The following CHMP4B variants were observed in gnomAD, a reference collection of about 807,000 sequenced individuals.
CHMP4B encodes charged multivesicular body protein 4B.
CHMP4B carries 1 observed loss-of-function variant against 25.1 expected under a neutral mutation model. That is an observed-to-expected ratio of 0.04 (90% CI 0.01 to 0.19). CHMP4B has a LOEUF of 0.19. Ranked by LOEUF, CHMP4B falls within the 10% of genes least tolerant of loss-of-function variation. CHMP4B has a pLI of 1.00. For missense variants in CHMP4B, 151 were observed against 289.7 expected, an observed-to-expected ratio of 0.52 and a Z score of 3.48; for synonymous variants, 101 against 115.6, an observed-to-expected ratio of 0.87 and a Z score of 0.81.
At chr20:33,834,172 T>A (rs1979330160) in intron 1 of CHMP4B, among the ~76,000 whole-genome samples, 1 of 152,244 alleles carries the variant, frequency 6.6e-6, no homozygotes, top group African/African-American at 2.4e-5. Flanking sequence ...TTCAATCTTG[T>A]TGAACTTCTC....
chr20:33,848,640 A>G lies in CHMP4B; in HGVS notation c.364A>G (p.Asn122Asp), dbSNP rs370673386. The change falls in exon 2 of 5, where the codon AAC becomes GAC. Residue 122 changes from asparagine to aspartate, a missense_variant. This residue lies in a region of CHMP4B where 82 missense variants were observed against 208.3 expected (regional missense o/e 0.39). Transcript: ENST00000217402. ...CAAGGCCATGAAGGCGGCCCATGAC[A>G]ACATGTACGTGTCCACCCGCCCCTG... ...AAKAMKAAHD[N>D]MDIDKVDELM... 6.2e-7 allele frequency: 1 copy of G among 1,614,234 alleles called. No homozygotes were observed. The highest frequency in any genetic ancestry group is 8.5e-7 in the Non-Finnish European group (1 of 1,180,044).
intron 1 of CHMP4B, among the ~76,000 whole-genome samples, chr20:33,839,535 GAAA>G (rs1022895029): frequency 1.3e-5 from 2 of 152,112 alleles, no homozygotes; most frequent in African/African-American, 4.8e-5. Context: ...AAATCTACTA[GAAA>G]AAAAATTTTT....
intron 1 of CHMP4B, among the ~76,000 whole-genome samples, chr20:33,844,046 C>A (rs1601327096): frequency 1.3e-5 from 2 of 152,214 alleles, no homozygotes; most frequent in Non-Finnish European, 2.9e-5. Flanking sequence ...GCTGTGTGAA[C>A]CCTGCAGGCA....
chr20:33,853,126 G>A (rs1386564259), intron 4 of CHMP4B, among the ~76,000 whole-genome samples: 1 of 152,196 alleles, frequency 6.6e-6, no homozygotes, highest in Non-Finnish European at 1.5e-5. Flanking sequence ...CATGAGTCAA[G>A]CCACTTGAGG....
intron 1 of CHMP4B, among the ~76,000 whole-genome samples, chr20:33,831,741 A>ATTTT (rs1568607995): frequency 6.6e-6 from 1 of 152,106 alleles, no homozygotes; most frequent in African/African-American, 2.4e-5. Context: ...TTGTTCTTTA[A>ATTTT]TTTTATTATT....
At chr20:33,846,861 C>T (rs1277233431) in intron 1 of CHMP4B, among the ~76,000 whole-genome samples, 2 of 152,228 alleles carry the variant, frequency 1.3e-5, no homozygotes, top group African/African-American at 2.4e-5. Context: ...GCCATTTCTT[C>T]TGACAGAGTC....
rs988714562 is a variant in CHMP4B, at chr20:33,811,391, C to T, written c.-78C>T. The T allele has an allele frequency of 1.2e-4, 150 of 1,207,932 alleles. No individual in the cohort carries two copies. The African/African-American group carries it at 1.9e-3, about 16-fold the overall frequency. 74.8% of individuals were successfully genotyped at this position (1,207,932 alleles called of 1,614,324 possible). On this transcript the variant is annotated 5_prime_UTR_variant, in exon 1 of 5. Coordinates refer to ENST00000217402, the MANE Select transcript of CHMP4B (RefSeq NM_176812.5). ...AGGGAGCGGCGGGACTGGGAGCGGG[C>T]GCCGGAGCCGACCCGAGCCGAGCCG...
Position 33,853,800 on chromosome 20 carries a change from T to G in CHMP4B, c.*240T>G. 1 of 522,960 alleles carries G rather than the reference T, an allele frequency of 1.9e-6. No individual in the cohort carries two copies. The highest frequency in any genetic ancestry group is 3.5e-6 in the Non-Finnish European group (1 of 287,912). The allele number at this position is 522,960 out of a possible 1,614,324, so 32.4% of individuals were successfully genotyped here. On this transcript the variant is annotated 3_prime_UTR_variant, in exon 5 of 5. Transcript: ENST00000217402. ...AGTGCCTGCTGTTTATAATGTTGAA[T>G]TTCTGTAAAATAAACTGTATTTGCA... is the stretch of plus-strand genomic sequence containing the variant.
At position 33,848,688 on chromosome 20, in the gene CHMP4B, C is replaced by T. The variant is rs200431962; in HGVS notation, c.368+44C>T. 85 of 1,604,716 alleles carry T rather than the reference C, an allele frequency of 5.3e-5. No individual in the cohort carries two copies. In the African/African-American group the frequency reaches 6.8e-4, roughly 13 times the overall value. On this transcript the variant is annotated intron_variant, in intron 2 of 4. Transcript: ENST00000217402. ...CTGCGCCACAGGGCAGTGCTAGTCC[C>T]GGAATGCCTCGTACCCAGGCCATGG...
intron 1 of CHMP4B, among the ~76,000 whole-genome samples, chr20:33,845,834 C>T (rs538202703): frequency 3.9e-5 from 6 of 152,304 alleles, no homozygotes; most frequent in East Asian, 1.9e-4. Flanking sequence ...TGCAGCCCCA[C>T]GCCCTGGGGC....
At chr20:33,831,413 GA>G (rs1210249214) in intron 1 of CHMP4B, among the ~76,000 whole-genome samples, 4 of 151,856 alleles carry the variant, frequency 2.6e-5, no homozygotes, top group African/African-American at 9.7e-5. Flanking sequence ...AAGTTTCTGT[GA>G]AGATGAGGTT....
chr20:33,816,052 C>T (rs956704589), intron 1 of CHMP4B, among the ~76,000 whole-genome samples: 1 of 152,246 alleles, frequency 6.6e-6, no homozygotes, highest in African/African-American at 2.4e-5. Flanking sequence ...AAACAGACCT[C>T]AGAAGCTTGA....
chr20:33,849,987 G>C (rs1979802385), intron 2 of CHMP4B, among the ~76,000 whole-genome samples: 1 of 152,182 alleles, frequency 6.6e-6, no homozygotes, highest in Non-Finnish European at 1.5e-5. Context: ...GTGTTGCCCA[G>C]ACTGGTCTCA....
At chr20:33,839,589 G>A (rs372297143) in intron 1 of CHMP4B, among the ~76,000 whole-genome samples, 4 of 152,082 alleles carry the variant, frequency 2.6e-5, no homozygotes, top group African/African-American at 9.7e-5. Context: ...CTGGACTGTC[G>A]CTAGTGGACA....
chr20:33,817,556 G>C (rs184248392), intron 1 of CHMP4B, among the ~76,000 whole-genome samples: 1 of 152,178 alleles, frequency 6.6e-6, no homozygotes. Flanking sequence ...CTATGAAGAT[G>C]TGTGCGAGCC....
intron 1 of CHMP4B, among the ~76,000 whole-genome samples, chr20:33,825,855 C>T (rs1449084474): frequency 1.3e-5 from 2 of 152,182 alleles, no homozygotes; most frequent in Admixed American, 6.5e-5. Context: ...CAAGCCCACA[C>T]AAAGGGTCTC....
intron 1 of CHMP4B, among the ~76,000 whole-genome samples, chr20:33,847,549 T>C (rs1979719937): frequency 6.6e-6 from 1 of 152,194 alleles, no homozygotes; most frequent in Non-Finnish European, 1.5e-5. Context: ...GTCCCAGTTC[T>C]GCCACAGATT....
At position 33,811,372 on chromosome 20, in the gene CHMP4B, C is replaced by A; in HGVS notation, c.-97C>A. On this transcript the variant is annotated 5_prime_UTR_variant, in exon 1 of 5. Coordinates refer to ENST00000217402, the MANE Select transcript of CHMP4B (RefSeq NM_176812.5). ...AGGAGAGGCCTGCGGCGGCAGGGAG[C>A]GGCGGGACTGGGAGCGGGCGCCGGA... 1 of 1,054,578 alleles carries A rather than the reference C, an allele frequency of 9.5e-7. No individual in the cohort carries two copies. Among genetic ancestry groups the A allele is most frequent in the Non-Finnish European group, 1.2e-6 (1 of 825,024 alleles). The allele number at this position is 1,054,578 out of a possible 1,614,324, so 65.3% of individuals were successfully genotyped here. A position where few individuals can be genotyped will look rare whatever the true frequency, so the allele number is the denominator to read the frequency against.
At chr20:33,834,132 T>C (rs1400471265) in intron 1 of CHMP4B, among the ~76,000 whole-genome samples, 1 of 152,234 alleles carries the variant, frequency 6.6e-6, no homozygotes, top group African/African-American at 2.4e-5. Flanking sequence ...ATACCAGTAA[T>C]CTTTTTTTCC....
Sources: allele counts gnomAD v4.1 joint callset (sites outside exome capture counted in the v4.1 genomes callset), GRCh38; gene constraint gnomAD v4.1.1; regional missense constraint gnomAD v4.1.1; transcripts MANE v1.5; gene names NCBI Gene and HGNC (gene_info 2026-07-23, HGNC 2026-07-21).